The following PDE10A variants were observed in gnomAD, a reference collection of about 807,000 sequenced individuals.
PDE10A encodes the protein phosphodiesterase 10A.
Under a neutral mutation model 97.7 loss-of-function variants are expected in PDE10A, and 39 were observed. The observed-to-expected ratio is 0.40, with a 90% CI of 0.31 to 0.52. The LOEUF (loss-of-function observed/expected upper bound fraction) is 0.52, where lower values mean the gene tolerates loss of function less well. Among genes scored for constraint, PDE10A ranks in the 20% least tolerant of loss-of-function variants. PDE10A has a pLI of 0.56. For synonymous variants in PDE10A, 371 were observed against 376.8 expected (o/e 0.98, Z 0.18); for missense variants, 731 against 1,047.8 (o/e 0.70, Z 4.17).
chr6:165,544,204 A>G (rs993146766), intron 1 of PDE10A, among the ~76,000 whole-genome samples: 9 of 152,210 alleles, frequency 5.9e-5, no homozygotes, highest in Non-Finnish European at 1.3e-4. Context: ...CTTACAACAC[A>G]AATCCTTCCT....
chr6:165,439,546 C>G (rs977331811), intron 5 of PDE10A, among the ~76,000 whole-genome samples: 5 of 152,202 alleles, frequency 3.3e-5, no homozygotes, highest in African/African-American at 1.2e-4. Flanking sequence ...TCTCAACTAG[C>G]ATCGATGAGA....
chr6:165,969,079 A>G (rs1432973939), intron 1 of PDE10A, among the ~76,000 whole-genome samples: 2 of 152,280 alleles, frequency 1.3e-5, no homozygotes, highest in African/African-American at 4.8e-5. Context: ...TTCTGGAAGC[A>G]TTTGACAATG....
At chr6:165,758,410 G>A (rs571659808) in intron 1 of PDE10A, among the ~76,000 whole-genome samples, 4 of 152,212 alleles carry the variant, frequency 2.6e-5, no homozygotes, top group South Asian at 2.1e-4. Flanking sequence ...GCAGTGAGCC[G>A]AGATTGTGTC....
At chr6:165,724,724 T>C (rs184474526) in intron 1 of PDE10A, among the ~76,000 whole-genome samples, 3 of 152,372 alleles carry the variant, frequency 2.0e-5, no homozygotes, top group South Asian at 2.1e-4. Context: ...GGTTTACTTA[T>C]ATGATCAGTA....
chr6:165,347,391 T>C (rs1782384602), intron 18 of PDE10A, among the ~76,000 whole-genome samples: 2 of 152,178 alleles, frequency 1.3e-5, no homozygotes, highest in Non-Finnish European at 2.9e-5. Flanking sequence ...TAAAATATAC[T>C]TTAAATTTAA....
chr6:165,458,895 C>T (rs1311780083), intron 3 of PDE10A, among the ~76,000 whole-genome samples: 1 of 152,062 alleles, frequency 6.6e-6, no homozygotes, highest in Non-Finnish European at 1.5e-5. Flanking sequence ...CCTGTTGTCC[C>T]AAAAATGTCC....
intron 1 of PDE10A, among the ~76,000 whole-genome samples, chr6:165,652,782 A>G (rs1269836103): frequency 6.6e-6 from 1 of 152,226 alleles, no homozygotes; most frequent in Non-Finnish European, 1.5e-5. Context: ...ATAATTCATC[A>G]TATTCAAACA....
intron 1 of PDE10A, among the ~76,000 whole-genome samples, chr6:165,707,424 T>A (rs1358531791): frequency 1.2e-4 from 18 of 152,226 alleles, no homozygotes; most frequent in Admixed American, 1.2e-3. Flanking sequence ...AGCGTCTCTA[T>A]CCCTCAGAGG....
rs1425228915 is a variant in PDE10A at position 165,441,414 on chromosome 6, A to C, written c.1195-6037T>G. 3.3e-5 allele frequency among the ~76,000 whole-genome samples: 5 copies of C among 152,210 alleles called. No homozygotes were observed. The East Asian group carries it at 9.6e-4, about 29-fold the overall frequency. On this transcript the variant is annotated intron_variant, in intron 5 of 21. Transcript: ENST00000539869. ...AGCACAGTTTTTTGGTACTTAGCAG[A>C]TGTTTTAAACGGTTTGTTAAACAAA...
rs78102030 is a variant in PDE10A, at chr6:165,903,976, A to G, written c.-615+83553T>C. ...CAAGGTTAGTTTCACTGGAGTGGAG[A>G]GATGGAAGCCTGGCTGCAATGGGCC... On this transcript the variant is annotated intron_variant, in intron 1 of 19. Transcript: ENST00000366882. 5.1e-4 allele frequency among the ~76,000 whole-genome samples: 77 copies of G among 152,242 alleles called. No homozygotes were observed. The East Asian group carries it at 0.012, about 23-fold the overall frequency.
chr6:165,483,530 C>T (rs148735521), intron 2 of PDE10A, among the ~76,000 whole-genome samples: 1 of 152,186 alleles, frequency 6.6e-6, no homozygotes, highest in African/African-American at 2.4e-5. Flanking sequence ...TAATCCTCTC[C>T]TAAGCCTCTC....
intron 1 of PDE10A, among the ~76,000 whole-genome samples, chr6:165,970,610 T>C (rs1020319656): frequency 2.0e-5 from 3 of 152,052 alleles, no homozygotes; most frequent in Non-Finnish European, 4.4e-5. Flanking sequence ...AATAAAAAGG[T>C]AAACATAGCT....
intron 1 of PDE10A, among the ~76,000 whole-genome samples, chr6:165,549,292 C>A (rs1164637904): frequency 2.6e-5 from 4 of 152,076 alleles, no homozygotes; most frequent in African/African-American, 9.7e-5. Context: ...AGATATATAA[C>A]CAAGACAAAT....
In PDE10A at chr6:165,332,982, A is replaced by G; in HGVS notation, c.*43T>C. 2.6e-6 allele frequency: 2 copies of G among 781,156 alleles called. No homozygotes were observed. Among genetic ancestry groups the G allele is most frequent in the South Asian group, 1.3e-5 (1 of 74,482 alleles). The allele number at this position is 781,156 out of a possible 1,614,324, so 48.4% of individuals were successfully genotyped here. On this transcript the variant is annotated 3_prime_UTR_variant, in exon 22 of 22. Coordinates refer to ENST00000539869, the MANE Select transcript of PDE10A (RefSeq NM_001385079.1). ...AGGAAAAGAATGTCAAAGAAGCAAGATGAGGATCTGTAGGTGGGACAGCGT... is the reference window on the plus strand; with the variant it reads ...AGGAAAAGAATGTCAAAGAAGCAAGGTGAGGATCTGTAGGTGGGACAGCGT...
chr6:165,403,660 A>G (rs758544631), intron 13 of PDE10A, among the ~76,000 whole-genome samples: 2 of 152,206 alleles, frequency 1.3e-5, no homozygotes, highest in Non-Finnish European at 2.9e-5. Flanking sequence ...AGCATTAAAT[A>G]ATATCATTAG....
chr6:165,484,757 C>T (rs1389099732), intron 2 of PDE10A, among the ~76,000 whole-genome samples: 2 of 152,208 alleles, frequency 1.3e-5, no homozygotes, highest in Non-Finnish European at 2.9e-5. Flanking sequence ...TGCACAGCTG[C>T]ATCTGGTGGC....
intron 1 of PDE10A, among the ~76,000 whole-genome samples, chr6:165,552,834 G>A (rs1008762438): frequency 6.6e-6 from 1 of 152,146 alleles, no homozygotes; most frequent in African/African-American, 2.4e-5. Flanking sequence ...CTATCATCAA[G>A]TGAATTAATT....
At chr6:165,529,742 AG>A (rs1370227225) in intron 2 of PDE10A, among the ~76,000 whole-genome samples, 2 of 152,050 alleles carry the variant, frequency 1.3e-5, no homozygotes, top group South Asian at 2.1e-4. Flanking sequence ...TTTGGGTTGG[AG>A]ATTGGTGCAT....
At chr6:165,650,460 T>C (rs1562658726) in intron 1 of PDE10A, among the ~76,000 whole-genome samples, 1 of 150,734 alleles carries the variant, frequency 6.6e-6, no homozygotes, top group Admixed American at 6.6e-5. Context: ...CAAATACAAG[T>C]ATATGCTTTT....
Sources: gnomAD v4.1 joint callset for allele counts (sites outside exome capture counted in the v4.1 genomes callset) on GRCh38, gnomAD v4.1.1 for gene constraint, MANE v1.5 for transcripts, NCBI Gene and HGNC (gene_info 2026-07-23, HGNC 2026-07-21) for gene names.